The following EIF2B3 variants were observed in gnomAD, a reference collection of about 807,000 sequenced individuals.
EIF2B3 encodes translation initiation factor eIF2B subunit gamma.
EIF2B3 carries 20 observed loss-of-function variants against 54.1 expected under a neutral mutation model. The observed-to-expected ratio is 0.37, with a 90% CI of 0.26 to 0.54. The LOEUF is 0.54. EIF2B3 is among the 20% of genes least tolerant of loss of function. The pLI is 0.86. For synonymous variants in EIF2B3, 153 were observed against 188.1 expected (o/e 0.81, Z 1.52); for missense variants, 448 against 547.8 (o/e 0.82, Z 1.82).
At chr1:44,962,398 G>A (rs1644294763) in intron 3 of EIF2B3, among the ~76,000 whole-genome samples, 1 of 152,048 alleles carries the variant, frequency 6.6e-6, no homozygotes, top group Non-Finnish European at 1.5e-5. Flanking sequence ...TCATCCTTAG[G>A]TTCACATAAA....
intron 4 of EIF2B3, among the ~76,000 whole-genome samples, chr1:44,938,175 C>A (rs1643978142): frequency 6.6e-6 from 1 of 152,030 alleles, no homozygotes; most frequent in African/African-American, 2.4e-5. Context: ...TGGCACACAA[C>A]AGCAGCCAAG....
chr1:44,975,956 C>G (rs1218118009), intron 3 of EIF2B3, among the ~76,000 whole-genome samples: 1 of 152,088 alleles, frequency 6.6e-6, no homozygotes, highest in Non-Finnish European at 1.5e-5. Context: ...GAGATTGCAC[C>G]ACTGCACTCA....
chr1:44,862,901 C>A (rs1185858030), intron 10 of EIF2B3: 4 of 152,162 alleles, frequency 2.6e-5, no homozygotes, highest in African/African-American at 9.7e-5. Context: ...CCAGCCTACA[C>A]TCATTTTATA....
In EIF2B3 at chr1:44,897,397, T is replaced by C. The variant is rs1325188133; in HGVS notation, c.614A>G (p.Tyr205Cys). Residue 205 changes from tyrosine to cysteine, a missense_variant, in exon 6 of 12, where the codon TAC becomes TGC. Tyr to Cys is a radical substitution (Grantham distance 194). Coordinates refer to ENST00000360403, the MANE Select transcript of EIF2B3 (RefSeq NM_020365.5). ...FHTGLVDAHL[Y>C]CLKKYIVDFL... ...ATCCACGATGTATTTTTTCAAACAG[T>C]AGAGGTGGGCATCCACAAGACCCGT... The C allele has an allele frequency of 6.2e-7, 1 of 1,613,624 alleles. No individual in the cohort carries two copies.
intron 3 of EIF2B3, among the ~76,000 whole-genome samples, chr1:44,972,082 A>C (rs553886174): frequency 1.6e-4 from 24 of 151,960 alleles, no homozygotes; most frequent in African/African-American, 4.8e-4. Context: ...AATACTGGGA[A>C]GGATGTGGAG....
At chr1:44,864,417 C>A (rs1283949531) in intron 10 of EIF2B3, among the ~76,000 whole-genome samples, 1 of 151,936 alleles carries the variant, frequency 6.6e-6, no homozygotes, top group African/African-American at 2.4e-5. Context: ...CAAAAATTAG[C>A]CTGGCGTGAT....
At chr1:44,909,878 G>A (rs55792507) in intron 5 of EIF2B3, among the ~76,000 whole-genome samples, 22,572 of 152,074 alleles carry the variant, frequency 0.15, 1,793 homozygotes, top group Non-Finnish European at 0.17. Context: ...AAATAATCAA[G>A]GGTTTAAACC....
At position 44,958,808 on chromosome 1, in the gene EIF2B3, C is replaced by T. The variant is rs1396653592; in HGVS notation, c.295-17143G>A. On this transcript the variant is annotated intron_variant, in intron 3 of 11. Coordinates refer to ENST00000360403, the MANE Select transcript of EIF2B3 (RefSeq NM_020365.5). ...TATTGGCAGGACTGCGACAAGAGAT[C>T]GTGTTGGACGTTAGCTCCTGAGCAG... 9.2e-6 allele frequency: 11 copies of T among 1,193,696 alleles called. No individual in the cohort carries two copies. The East Asian group carries it at 1.6e-4, about 18-fold the overall frequency. The allele number at this position is 1,193,696 out of a possible 1,614,324, so 73.9% of individuals were successfully genotyped here.
chr1:44,959,661 G>A (rs1439981215), intron 3 of EIF2B3, among the ~76,000 whole-genome samples: 1 of 152,182 alleles, frequency 6.6e-6, no homozygotes, highest in Non-Finnish European at 1.5e-5. Context: ...GTGCTTTTAA[G>A]TCTCTGAAGT....
intron 5 of EIF2B3, among the ~76,000 whole-genome samples, chr1:44,898,865 T>A (rs1289142210): frequency 6.6e-6 from 1 of 152,150 alleles, no homozygotes; most frequent in Non-Finnish European, 1.5e-5. Flanking sequence ...TAATTTTTTT[T>A]ATTTTTGGTA....
At position 44,966,469 on chromosome 1, in the gene EIF2B3, G is replaced by A. The variant is rs867246839; in HGVS notation, c.294+11846C>T. The stretch of plus-strand genomic sequence containing the variant: ...AAAAAAAAAAAAAGAAGAAGAAGAA[G>A]CCTGGCACTAAATAGAAATTGCCAG... On this transcript the variant is annotated intron_variant, in intron 3 of 11. Transcript: ENST00000360403. Among the ~76,000 whole-genome samples the A allele has an allele frequency of 1.7e-3, 252 of 150,214 alleles. 1 individual carries two copies. Among genetic ancestry groups the A allele is most frequent in the African/African-American group, 5.9e-3 (240 of 40,978 alleles).
At position 44,941,528 on chromosome 1, in the gene EIF2B3, A is replaced by T. The variant is rs529461543; in HGVS notation, c.432T>A (p.Gly144=). 6.2e-7 allele frequency: 1 copy of T among 1,606,268 alleles called. No individual in the cohort carries two copies. The highest frequency in any genetic ancestry group is 1.7e-5 in the Admixed American group (1 of 58,424). Residue 144 remains glycine, a synonymous_variant, in exon 4 of 12, where the codon GGT becomes GGA. Transcript: ENST00000360403. ...TACCTGCTTTTTTTTTCCCCTTTTGACCGGGAACAGGTTCTATGCTATCTT... is the reference window on the plus strand; with the variant it reads ...TACCTGCTTTTTTTTTCCCCTTTTGTCCGGGAACAGGTTCTATGCTATCTT... ...KGQDSIEPVP[G]QKGKKKAVEQ...
chr1:44,973,143 T>C (rs1413033814), intron 3 of EIF2B3, among the ~76,000 whole-genome samples: 1 of 152,174 alleles, frequency 6.6e-6, no homozygotes, highest in Non-Finnish European at 1.5e-5. Flanking sequence ...AGTATGGCAG[T>C]TCATTAAAAA....
rs536807116 is a variant in EIF2B3 at position 44,904,764 on chromosome 1, C to T, written c.567-7320G>A. 1.5e-4 allele frequency among the ~76,000 whole-genome samples: 23 copies of T among 152,246 alleles called. No homozygotes were observed. In the South Asian group the frequency reaches 2.7e-3, roughly 18 times the overall value. On this transcript the variant is annotated intron_variant, in intron 5 of 11. Transcript: ENST00000360403. ...TCCTGACCTCGTGATCTGCCCACCT[C>T]GGCCTCCCAAAGTGCTGGGATTACA... is the stretch of plus-strand genomic sequence containing the variant.
chr1:44,895,783 A>G (rs1655951530), intron 6 of EIF2B3, among the ~76,000 whole-genome samples: 1 of 152,188 alleles, frequency 6.6e-6, no homozygotes, highest in South Asian at 2.1e-4. Flanking sequence ...TGATGGATAC[A>G]TGGGAGTTCA....
At chr1:44,924,845 T>A (rs1643821663) in intron 5 of EIF2B3, 1 of 152,252 alleles carries the variant, frequency 6.6e-6, no homozygotes, top group Non-Finnish European at 1.5e-5. Flanking sequence ...CTTTTCAGGA[T>A]AGCTTCTTTG....
chr1:44,964,670 G>T (rs1009666829), intron 3 of EIF2B3, among the ~76,000 whole-genome samples: 1 of 152,118 alleles, frequency 6.6e-6, no homozygotes, highest in Non-Finnish European at 1.5e-5. Context: ...TACCTCTAAC[G>T]ACTAGTGTGT....
chr1:44,985,589 G>C lies in EIF2B3; in HGVS notation c.-10+904C>G, dbSNP rs1051807573. On this transcript the variant is annotated intron_variant, in intron 1 of 11. Coordinates refer to ENST00000360403, the MANE Select transcript of EIF2B3 (RefSeq NM_020365.5). The stretch of plus-strand genomic sequence containing the variant: ...CTGTGAACTTCACAACTGTATAAGA[G>C]TCAAACTCAAACATGTGCATAAGGG... Among the ~76,000 whole-genome samples, 6 of 152,200 alleles carry C rather than the reference G, an allele frequency of 3.9e-5. No homozygotes were observed. The East Asian group carries it at 9.6e-4, about 24-fold the overall frequency.
chr1:44,960,317 A>G (rs1316760189), intron 3 of EIF2B3, among the ~76,000 whole-genome samples: 4 of 152,198 alleles, frequency 2.6e-5, no homozygotes, highest in Non-Finnish European at 5.9e-5. Context: ...AACAATAAAA[A>G]ATACAAACTA....
Sources: gnomAD v4.1 joint callset for allele counts (sites outside exome capture counted in the v4.1 genomes callset) on GRCh38, gnomAD v4.1.1 for gene constraint, MANE v1.5 for transcripts, NCBI Gene and HGNC (gene_info 2026-07-23, HGNC 2026-07-21) for gene names.